The following CHD9 variants were observed in gnomAD, a reference collection of about 807,000 sequenced individuals.
The protein encoded by CHD9 is ATP-dependent chromatin remodeler CHD9.
Under a neutral mutation model 316.1 loss-of-function variants are expected in CHD9, and 77 were observed. The observed-to-expected ratio is 0.24, with a 90% CI of 0.20 to 0.29. The LOEUF (loss-of-function observed/expected upper bound fraction) is 0.29, where lower values mean the gene tolerates loss of function less well. Among genes scored for constraint, CHD9 ranks in the 10% least tolerant of loss-of-function variants. CHD9 has a pLI of 1.00. For synonymous variants in CHD9, 1,129 were observed against 1,158.3 expected (o/e 0.97, Z 0.51); for missense variants, 2,763 against 3,438.1 (o/e 0.80, Z 4.91).
At chr16:53,063,402 A>ACACACACACACAC (rs1567301846) in intron 1 of CHD9, among the ~76,000 whole-genome samples, 5 of 149,826 alleles carry the variant, frequency 3.3e-5, no homozygotes, top group Admixed American at 6.6e-5. Flanking sequence ...ACACACACAC[A>ACACACACACACAC]AAATGTGAAG....
At chr16:53,243,994 T>A (rs1189325185) in intron 13 of CHD9, among the ~76,000 whole-genome samples, 1 of 152,170 alleles carries the variant, frequency 6.6e-6, no homozygotes, top group Non-Finnish European at 1.5e-5. Flanking sequence ...TTCCTGTTTA[T>A]CTTTCTGGGC....
chr16:53,076,362 G>A lies in CHD9; in HGVS notation c.-165+21285G>A, dbSNP rs577087819. 6.6e-5 allele frequency among the ~76,000 whole-genome samples: 10 copies of A among 152,168 alleles called. No individual in the cohort carries two copies. In the East Asian group the frequency reaches 1.7e-3, roughly 26 times the overall value. ...GGCCAAGACAGGCAGATCACTTAAG[G>A]TCAGGAGTTCGAGACCAGCCTGGCC... is the stretch of plus-strand genomic sequence containing the variant. On this transcript the variant is annotated intron_variant, in intron 1 of 38. Coordinates refer to ENST00000447540, the MANE Select transcript of CHD9 (RefSeq NM_001308319.2).
chr16:53,324,891 A>T lies in CHD9; in HGVS notation c.8690A>T (p.Asp2897Val). 2 of 1,580,382 alleles carry T rather than the reference A, an allele frequency of 1.3e-6. No homozygotes were observed. The highest frequency in any genetic ancestry group is 2.7e-5 in the African/African-American group (2 of 73,304). The change falls in exon 39 of 39, where the codon GAC becomes GTC. Residue 2897 changes from aspartate to valine, a missense_variant. This residue lies in a region of CHD9 where 298 missense variants were observed against 380.2 expected (regional missense o/e 0.78). Transcript: ENST00000447540. The part of the protein sequence containing the change: ...SSEDSDSSNE[D>V] Reference sequence around the variant, plus strand: ...GAGGATTCAGATTCTAGTAATGAAGACTGATTCCCAGACTCTGCACTTAAA... The same window carrying T: ...GAGGATTCAGATTCTAGTAATGAAGTCTGATTCCCAGACTCTGCACTTAAA...
At chr16:53,133,108 C>G (rs893179577) in intron 1 of CHD9, among the ~76,000 whole-genome samples, 2 of 152,030 alleles carry the variant, frequency 1.3e-5, no homozygotes, top group Non-Finnish European at 2.9e-5. Flanking sequence ...TATTACAGAC[C>G]TGAAGTGCAT....
chr16:53,072,320 C>T (rs1363444702), intron 1 of CHD9, among the ~76,000 whole-genome samples: 2 of 144,016 alleles, frequency 1.4e-5, no homozygotes, highest in African/African-American at 2.6e-5. Flanking sequence ...AGCCATAAGT[C>T]TTTTTTTTTT....
At chr16:53,231,176 A>AT (rs1249762561) in intron 8 of CHD9, among the ~76,000 whole-genome samples, 1 of 152,190 alleles carries the variant, frequency 6.6e-6, no homozygotes, top group Non-Finnish European at 1.5e-5. Context: ...GCTTTCAGGC[A>AT]TTTTTTAAAG....
Position 53,245,587 on chromosome 16 carries a change from T to C in CHD9, c.3199-8T>C, listed in dbSNP as rs765465376. Reference sequence around the variant, plus strand: ...ATGTTATATGTCTTTTTATCATTTTTTATTCAGGTACAGAAACTTCAGGCT... The same window carrying C: ...ATGTTATATGTCTTTTTATCATTTTCTATTCAGGTACAGAAACTTCAGGCT... On this transcript the variant is annotated splice_polypyrimidine_tract_variant and splice_region_variant and intron_variant, in intron 14 of 38. Transcript: ENST00000447540. This position sits in a 1 kb window ranked among gnomAD's most constrained non-coding sequence, Gnocchi z 4.1. The C allele has an allele frequency of 6.5e-7, 1 of 1,545,184 alleles. No individual in the cohort carries two copies. The highest frequency in any genetic ancestry group is 8.7e-7 in the Non-Finnish European group (1 of 1,150,460).
At position 53,251,175 on chromosome 16, in the gene CHD9, T is replaced by C. The variant is rs1286703863; in HGVS notation, c.3861+1109T>C. Among the ~76,000 whole-genome samples the C allele has an allele frequency of 2.0e-5, 3 of 152,182 alleles. No homozygotes were observed. In the East Asian group the frequency reaches 5.8e-4, roughly 29 times the overall value. On this transcript the variant is annotated intron_variant, in intron 17 of 38. Transcript: ENST00000447540. ...ACACATTCTTGTTTGTTTGTCATAA[T>C]CCTTTAAAAAGGTAAAAAAGCCATT...
chr16:53,086,153 G>A (rs2035444009), intron 1 of CHD9, among the ~76,000 whole-genome samples: 1 of 152,150 alleles, frequency 6.6e-6, no homozygotes, highest in Non-Finnish European at 1.5e-5. Flanking sequence ...TTATAGGAAA[G>A]GGGGCAGGGA....
chr16:53,199,776 T>G (rs1052676204), intron 2 of CHD9, among the ~76,000 whole-genome samples: 6 of 152,322 alleles, frequency 3.9e-5, no homozygotes, highest in Admixed American at 3.9e-4. Context: ...CATTAAACTA[T>G]TCTTACCATA....
At chr16:53,151,904 C>A (rs578146365) in intron 1 of CHD9, among the ~76,000 whole-genome samples, 3 of 152,076 alleles carry the variant, frequency 2.0e-5, no homozygotes, top group African/African-American at 7.2e-5. Flanking sequence ...TTCTAAGGGA[C>A]AATTTCTGTC....
chr16:53,204,058 T>TATATATATAC (rs773266940), intron 2 of CHD9, among the ~76,000 whole-genome samples: 21 of 63,002 alleles, frequency 3.3e-4, no homozygotes, highest in South Asian at 2.2e-3. Context: ...AATATATATA[T>TATATATATAC]ACACACACAC....
intron 1 of CHD9, among the ~76,000 whole-genome samples, chr16:53,085,497 T>C (rs543379197): frequency 5.3e-5 from 8 of 152,196 alleles, no homozygotes; most frequent in Admixed American, 3.9e-4. Flanking sequence ...CCTGCCCCCA[T>C]TGATGCTGAT....
chr16:53,120,062 CA>C (rs576729596), intron 1 of CHD9, among the ~76,000 whole-genome samples: 100 of 137,224 alleles, frequency 7.3e-4, no homozygotes, highest in Admixed American at 1.6e-3. Context: ...CCCATCTCCA[CA>C]AAAAAAAAAA....
At chr16:53,131,449 A>C (rs2039301025) in intron 1 of CHD9, among the ~76,000 whole-genome samples, 1 of 138,864 alleles carries the variant, frequency 7.2e-6, no homozygotes, top group African/African-American at 2.6e-5. Context: ...GAGGCCGGGC[A>C]GGGGGCGCTG....
At chr16:53,302,205 G>C (rs1310338378) in intron 30 of CHD9, among the ~76,000 whole-genome samples, 1 of 152,060 alleles carries the variant, frequency 6.6e-6, no homozygotes, top group South Asian at 2.1e-4. Flanking sequence ...TTTGTTCCAA[G>C]ATCCTACAAT....
At chr16:53,087,627 G>GA (rs1171391256) in intron 1 of CHD9, among the ~76,000 whole-genome samples, 1 of 152,052 alleles carries the variant, frequency 6.6e-6, no homozygotes, top group African/African-American at 2.4e-5. Context: ...ATATTCCTTA[G>GA]GATTCTTTTG....
chr16:53,176,798 T>A (rs975244885), intron 2 of CHD9, among the ~76,000 whole-genome samples: 1 of 152,192 alleles, frequency 6.6e-6, no homozygotes, highest in Non-Finnish European at 1.5e-5. Flanking sequence ...ACTGAGCAAT[T>A]TTTGAAAGAA....
intron 2 of CHD9, among the ~76,000 whole-genome samples, chr16:53,199,258 GC>G (rs1211178234): frequency 1.1e-4 from 17 of 152,032 alleles, no homozygotes; most frequent in Admixed American, 1.1e-3. Context: ...ACTGTGCCTA[GC>G]CCCATAGATG....
Sources: gnomAD v4.1 joint callset for allele counts (sites outside exome capture counted in the v4.1 genomes callset) on GRCh38, gnomAD v4.1.1 for gene constraint, gnomAD v4.1.1 regional missense constraint, Gnocchi (gnomAD v3.1) non-coding constraint, MANE v1.5 for transcripts, NCBI Gene and HGNC (gene_info 2026-07-23, HGNC 2026-07-21) for gene names.